FLRT3: variants seen among roughly 807,000 people sequenced by gnomAD.
The protein encoded by FLRT3 is leucine-rich repeat transmembrane protein FLRT3.
Under a neutral mutation model 42.6 loss-of-function variants are expected in FLRT3, and 17 were observed. That is an observed-to-expected ratio of 0.40 (90% confidence interval 0.27 to 0.60). FLRT3 has a LOEUF of 0.60. FLRT3 is among the 20% of genes least tolerant of loss of function. The pLI, the probability that FLRT3 is intolerant of heterozygous loss-of-function variation, is 0.44. For synonymous variants in FLRT3, 279 were observed against 286.4 expected (o/e 0.97, Z 0.26); for missense variants, 635 against 789.2 (o/e 0.80, Z 2.34).
At chr20:14,330,458 T>C (rs2082815342) in intron 1 of FLRT3, among the ~76,000 whole-genome samples, 1 of 152,064 alleles carries the variant, frequency 6.6e-6, no homozygotes, top group South Asian at 2.1e-4. Context: ...CCAACAAGTA[T>C]AGCATCTGTT....
At chr20:14,336,142 G>A (rs1223738510) in intron 1 of FLRT3, among the ~76,000 whole-genome samples, 1 of 152,094 alleles carries the variant, frequency 6.6e-6, no homozygotes, top group Non-Finnish European at 1.5e-5. Flanking sequence ...TGCAGTCAGA[G>A]ATAAATGAAA....
In FLRT3 at chr20:14,323,251, T is replaced by C. The variant is rs1216145486; in HGVS notation, c.*2306A>G. The C allele has an allele frequency of 6.6e-6, 1 of 152,114 alleles. No homozygotes were observed. The highest frequency in any genetic ancestry group is 2.4e-5 in the African/African-American group (1 of 41,436). 9.4% of individuals were successfully genotyped at this position (152,114 alleles called of 1,614,324 possible). A position where few individuals can be genotyped will look rare whatever the true frequency, so the allele number is the denominator to read the frequency against. On this transcript the variant is annotated 3_prime_UTR_variant, in exon 3 of 3. Transcript: ENST00000341420. Reference sequence around the variant, plus strand: ...CAGCTTCAAGTTTGGTTTCCCAGGATCCCCTTTTTGTGTTCTATTAATTTG... The same window carrying C: ...CAGCTTCAAGTTTGGTTTCCCAGGACCCCCTTTTTGTGTTCTATTAATTTG...
intron 1 of FLRT3, among the ~76,000 whole-genome samples, chr20:14,332,285 A>G (rs1328139635): frequency 6.6e-6 from 1 of 152,090 alleles, no homozygotes; most frequent in East Asian, 1.9e-4. Context: ...AAACATGTAA[A>G]TAGATAAGGA....
In FLRT3 at chr20:14,330,208, T is replaced by C. The variant is rs2301026; in HGVS notation, c.-246-881A>G. Among the ~76,000 whole-genome samples the C allele has an allele frequency of 1.2e-4, 18 of 152,194 alleles. No homozygotes were observed. The East Asian group carries it at 3.5e-3, about 29-fold the overall frequency. On this transcript the variant is annotated intron_variant, in intron 1 of 2. Transcript: ENST00000341420. Reference sequence around the variant, plus strand: ...TTTTTCATTTCCAAAAGAAGACTTTTGGCTTGACTAAAGAGATCATTGAAT... The same window carrying C: ...TTTTTCATTTCCAAAAGAAGACTTTCGGCTTGACTAAAGAGATCATTGAAT...
At chr20:14,334,254 T>C (rs1316875670) in intron 1 of FLRT3, among the ~76,000 whole-genome samples, 1 of 152,216 alleles carries the variant, frequency 6.6e-6, no homozygotes, top group African/African-American at 2.4e-5. Flanking sequence ...GTGTGATGTT[T>C]AACCAAATTG....
intron 1 of FLRT3, among the ~76,000 whole-genome samples, chr20:14,333,320 A>T (rs1298044730): frequency 1.3e-5 from 2 of 152,168 alleles, no homozygotes; most frequent in Non-Finnish European, 2.9e-5. Flanking sequence ...AAATGAATCA[A>T]ATTCTGCTTC....
rs1568556937 is a variant in FLRT3, at chr20:14,325,569, G to A, written c.1938C>T (p.His646=). ...YRDSGIPDSD[H]SHS Reference sequence around the variant, plus strand: ...GAGTCCTTCAGCATCATGAGTGTGAGTGATCTGAGTCTGGAATACCACTGT... The same window carrying A: ...GAGTCCTTCAGCATCATGAGTGTGAATGATCTGAGTCTGGAATACCACTGT... Residue 646 remains histidine, a synonymous_variant, in exon 3 of 3, where the codon CAC becomes CAT. Transcript: ENST00000341420. 6.2e-7 allele frequency: 1 copy of A among 1,610,226 alleles called. No individual in the cohort carries two copies. The highest frequency in any genetic ancestry group is 8.5e-7 in the Non-Finnish European group (1 of 1,177,744).
Position 14,326,759 on chromosome 20 carries a change from T to C in FLRT3, c.748A>G (p.Arg250Gly). The C allele has an allele frequency of 6.2e-7, 1 of 1,613,818 alleles. No homozygotes were observed. Among genetic ancestry groups the C allele is most frequent in the Non-Finnish European group, 8.5e-7 (1 of 1,179,832 alleles). The change falls in exon 3 of 3, where the codon AGG becomes GGG. Residue 250 changes from arginine (R) to glycine (G), a missense_variant. By Grantham distance (125) the Arg-to-Gly change is moderately radical (BLOSUM62 -2). Transcript: ENST00000341420. The surrounding 1 kb of genome is among the most constrained non-coding windows in gnomAD (Gnocchi z 5.5). Reference sequence around the variant, plus strand: ...TGGTTATCTTGAAGATAAAGCTTCCTCAGGTTTGTGCCTGGAAGGTTTACT... The same window carrying C: ...TGGTTATCTTGAAGATAAAGCTTCCCCAGGTTTGTGCCTGGAAGGTTTACT... ...APVNLPGTNL[R>G]KLYLQDNHIN... is the part of the protein sequence containing the mutation.
At chr20:14,334,190 A>G (rs1454933171) in intron 1 of FLRT3, among the ~76,000 whole-genome samples, 1 of 152,222 alleles carries the variant, frequency 6.6e-6, no homozygotes, top group Non-Finnish European at 1.5e-5. Context: ...GTAAATAGAT[A>G]ACTCAAAGTT....
Position 14,326,992 on chromosome 20 carries a change from C to A in FLRT3, c.515G>T (p.Gly172Val). 6.2e-7 allele frequency: 1 copy of A among 1,613,688 alleles called. No homozygotes were observed. Among genetic ancestry groups the A allele is most frequent in the Non-Finnish European group, 8.5e-7 (1 of 1,179,762 alleles). ...TAGTTCTTCTATAGTCCTGGGCAAACCCCAGGGAATTGTGCTAAGGTGATT... is the reference window on the plus strand; with the variant it reads ...TAGTTCTTCTATAGTCCTGGGCAAAACCCAGGGAATTGTGCTAAGGTGATT... ...SRNHLSTIPW[G>V]LPRTIEELRL... The change falls in exon 3 of 3, where the codon GGT becomes GTT. Residue 172 changes from glycine (G) to valine (V), a missense_variant. By Grantham distance (109) the Gly-to-Val change is moderately radical. Coordinates refer to ENST00000341420, the MANE Select transcript of FLRT3 (RefSeq NM_198391.3). This position sits in a 1 kb window ranked among gnomAD's most constrained non-coding sequence, Gnocchi z 5.5.
intron 1 of FLRT3, among the ~76,000 whole-genome samples, chr20:14,332,655 G>A (rs536678638): frequency 6.6e-6 from 1 of 151,988 alleles, no homozygotes; most frequent in Non-Finnish European, 1.5e-5. Context: ...CTTAATGCTG[G>A]GGACTTTTAA....
rs2082723419 is a variant in FLRT3, at chr20:14,325,814, A to G, written c.1693T>C (p.Tyr565His). Residue 565 changes from tyrosine to histidine, a missense_variant, in exon 3 of 3, where the codon TAT becomes CAT. Coordinates refer to ENST00000341420, the MANE Select transcript of FLRT3 (RefSeq NM_198391.3). ...NGSLFSRNCA[Y>H]SKGRRRKDDY... is the part of the protein sequence containing the mutation. ...TCCTTTCTTCTCCTCCCTTTGCTATATGCACAGTTCCTTGAGAAGAGCGAT... is the reference window on the plus strand; with the variant it reads ...TCCTTTCTTCTCCTCCCTTTGCTATGTGCACAGTTCCTTGAGAAGAGCGAT... The G allele has an allele frequency of 6.2e-7, 1 of 1,613,776 alleles. No homozygotes were observed. The highest frequency in any genetic ancestry group is 1.3e-5 in the African/African-American group (1 of 74,890).
At chr20:14,332,144 A>G (rs570522347) in intron 1 of FLRT3, among the ~76,000 whole-genome samples, 11 of 152,258 alleles carry the variant, frequency 7.2e-5, no homozygotes, top group East Asian at 1.9e-4. Flanking sequence ...TGATGAATCA[A>G]ATTTTTAATA....
intron 1 of FLRT3, among the ~76,000 whole-genome samples, chr20:14,329,728 AC>A (rs1374230588): frequency 2.6e-5 from 4 of 151,910 alleles, no homozygotes; most frequent in Non-Finnish European, 4.4e-5. Flanking sequence ...TGCCAAGGTA[AC>A]TTTTTAGGCA....
chr20:14,330,429 C>T (rs1157555090), intron 1 of FLRT3, among the ~76,000 whole-genome samples: 3 of 151,956 alleles, frequency 2.0e-5, no homozygotes, highest in Admixed American at 1.3e-4. Flanking sequence ...TTGCTTCTCC[C>T]ACAGTTGCTA....
At chr20:14,327,630 A>G in intron 2 of FLRT3, 72 bp from the exon 3 acceptor site, 1 of 1,094,634 alleles carries the variant, frequency 9.1e-7, no homozygotes, top group East Asian at 2.6e-5. Context: ...TTAAAAACAA[A>G]TGTGGAAACT....
Position 14,326,553 on chromosome 20 carries a change from G to C in FLRT3, c.954C>G (p.Asp318Glu), listed in dbSNP as rs758767646. The change falls in exon 3 of 3, where the codon GAC (aspartate) becomes GAG (glutamate). Residue 318 changes from aspartate to glutamate, a missense_variant. Coordinates refer to ENST00000341420, the MANE Select transcript of FLRT3 (RefSeq NM_198391.3). The surrounding 1 kb of genome is among the most constrained non-coding windows in gnomAD (Gnocchi z 5.5). ...CCTTCACAGGTAGTGATTGTAACCA[G>C]TCACGTACCCATTTCATCTTGCACC... ...YCGCKMKWVR[D>E]WLQSLPVKVN... 6 of 1,613,920 alleles carry C rather than the reference G, an allele frequency of 3.7e-6. No homozygotes were observed. The highest frequency in any genetic ancestry group is 5.1e-6 in the Non-Finnish European group (6 of 1,179,858).
rs541626942 is a variant in FLRT3, at chr20:14,323,472, G to A, written c.*2085C>T. ...GAAGCTCTCCAAATCTTGACCTTTT[G>A]TTTTTTTATGGAGGCTTGATTACAT... On this transcript the variant is annotated 3_prime_UTR_variant, in exon 3 of 3. Transcript: ENST00000341420. 2.6e-5 allele frequency: 4 copies of A among 152,042 alleles called. No homozygotes were observed. Among genetic ancestry groups the A allele is most frequent in the Non-Finnish European group, 5.9e-5 (4 of 67,996 alleles). 9.4% of individuals were successfully genotyped at this position (152,042 alleles called of 1,614,324 possible). A position where few individuals can be genotyped will look rare whatever the true frequency, so the allele number is the denominator to read the frequency against.
intron 1 of FLRT3, among the ~76,000 whole-genome samples, chr20:14,331,511 A>G (rs1339362907): frequency 6.6e-6 from 1 of 152,088 alleles, no homozygotes; most frequent in East Asian, 1.9e-4. Context: ...TTCTCCCCAC[A>G]TTGTATTAAA....
Sources: allele counts gnomAD v4.1 joint callset (sites outside exome capture counted in the v4.1 genomes callset), GRCh38; gene constraint gnomAD v4.1.1; non-coding constraint Gnocchi (gnomAD v3.1); transcripts MANE v1.5; gene names NCBI Gene and HGNC (gene_info 2026-07-23, HGNC 2026-07-21).